EZH1: variants seen among roughly 807,000 people sequenced by gnomAD.
EZH1 encodes enhancer of zeste 1 polycomb repressive complex 2 subunit, also known as histone-lysine N-methyltransferase EZH1.
A neutral mutation model predicts 100.5 loss-of-function variants in EZH1; 33 were observed. The ratio of observed to expected loss-of-function variants is 0.33; its 90% confidence interval spans 0.25 to 0.44. The LOEUF is 0.44. EZH1 is among the 20% of genes least tolerant of loss of function. The pLI is 1.00. For missense variants in EZH1, 475 were observed against 928.4 expected, an observed-to-expected ratio of 0.51 and a Z score of 6.35; for synonymous variants, 272 against 313.8, an observed-to-expected ratio of 0.87 and a Z score of 1.41.
chr17:42,726,284 TG>T (rs2053819788), intron 4 of EZH1, among the ~76,000 whole-genome samples: 1 of 149,898 alleles, frequency 6.7e-6, no homozygotes, highest in Admixed American at 6.7e-5. Context: ...ACTGCAGCCT[TG>T]AACTCTTGGG....
rs977536793 is a variant in EZH1 at position 42,738,172 on chromosome 17, T to A, written c.-103+6839A>T. Among the ~76,000 whole-genome samples the A allele has an allele frequency of 1.1e-4, 14 of 132,286 alleles. No individual in the cohort carries two copies. In the East Asian group the frequency reaches 3.0e-3, roughly 28 times the overall value. The allele number at this position is 132,286 out of a possible 152,430, so 86.8% of individuals were successfully genotyped here. ...GCCTGGGCGACAGAGCAAGACTCTG[T>A]CTCAAAAAAAAAAAAAAAAAAAAAA... is the stretch of plus-strand genomic sequence containing the variant. On this transcript the variant is annotated intron_variant, in intron 1 of 20. Transcript: ENST00000428826.
In EZH1 at chr17:42,722,811, T is replaced by C. The variant is rs764273465; in HGVS notation, c.471A>G (p.Lys157=). ...IEELINNYDG[K]VHGEEEMIPG... is the part of the protein sequence containing the mutation. ...TACCACTACCTTCTTCACCATGGAC[T>C]TTCCCATCATAGTTATTGATCAGCT... The change falls in exon 6 of 21, where the codon AAA becomes AAG. Residue 157 remains lysine, a synonymous_variant. Transcript: ENST00000428826. 4.1e-5 allele frequency: 66 copies of C among 1,613,812 alleles called. No individual in the cohort carries two copies. Among genetic ancestry groups the C allele is most frequent in the Non-Finnish European group, 5.0e-5 (59 of 1,180,008 alleles).
intron 1 of EZH1, among the ~76,000 whole-genome samples, chr17:42,732,740 G>C (rs2053976938): frequency 6.6e-6 from 1 of 152,208 alleles, no homozygotes; most frequent in Non-Finnish European, 1.5e-5. Context: ...CTGCACTCCA[G>C]CCTGGGCGAT....
intron 19 of EZH1, 173 bp from the exon 20 acceptor site, chr17:42,703,134 A>C: frequency 3.3e-6 from 2 of 604,332 alleles, no homozygotes; most frequent in Non-Finnish European, 5.8e-6. Context: ...TTATGGCAGA[A>C]AAATTATCTT....
chr17:42,705,790 T>C (rs1032136912), intron 16 of EZH1: 3 of 427,226 alleles, frequency 7.0e-6, no homozygotes, highest in African/African-American at 6.1e-5. Flanking sequence ...ACTGCTGGGA[T>C]TACAGGCATG....
At chr17:42,727,591 G>A (rs765825380) in intron 4 of EZH1, 44 bp downstream of exon 4, 3 of 1,582,950 alleles carry the variant, frequency 1.9e-6, no homozygotes, top group African/African-American at 2.7e-5. Context: ...AAAGCTTTAA[G>A]CCCAAGGAAG....
chr17:42,732,060 A>C (rs2053961281), intron 1 of EZH1, among the ~76,000 whole-genome samples: 1 of 151,938 alleles, frequency 6.6e-6, no homozygotes, highest in Admixed American at 6.6e-5. Context: ...TTGAGGCCAC[A>C]GTGAGCCATG....
chr17:42,728,147 T>TCTG (rs2053861718), intron 3 of EZH1, among the ~76,000 whole-genome samples: 1 of 124,382 alleles, frequency 8.0e-6, no homozygotes. Context: ...GGAGTCTTGC[T>TCTG]CTGTCACCCA....
Position 42,700,669 on chromosome 17 carries a change from A to C in EZH1, c.*1863T>G, listed in dbSNP as rs2053223224. ...TCATCTTTCTCTGGTTTTCTCCTCTATGAGTAATTTGGAACCCACAGTCCA... is the reference window on the plus strand; with the variant it reads ...TCATCTTTCTCTGGTTTTCTCCTCTCTGAGTAATTTGGAACCCACAGTCCA... On this transcript the variant is annotated 3_prime_UTR_variant, in exon 21 of 21. Transcript: ENST00000428826. 1 of 152,470 alleles carries C rather than the reference A, an allele frequency of 6.6e-6. No homozygotes were observed. Among genetic ancestry groups the C allele is most frequent in the Middle Eastern group, 3.4e-3 (1 of 294 alleles). The allele number at this position is 152,470 out of a possible 1,614,324, so 9.4% of individuals were successfully genotyped here. A position where few individuals can be genotyped will look rare whatever the true frequency, so the allele number is the denominator to read the frequency against.
Position 42,728,822 on chromosome 17 carries a change from T to C in EZH1, c.117+3A>G. On this transcript the variant is annotated splice_donor_region_variant and intron_variant, in intron 3 of 20. Coordinates refer to ENST00000428826, the MANE Select transcript of EZH1 (RefSeq NM_001991.5). ...AAACTTTCACTTGGGAATTATTTTTTACCTTTGCACCCATATTTGCCTGAA... is the reference window on the plus strand; with the variant it reads ...AAACTTTCACTTGGGAATTATTTTTCACCTTTGCACCCATATTTGCCTGAA... The C allele has an allele frequency of 1.2e-6, 2 of 1,611,930 alleles. No individual in the cohort carries two copies. Among genetic ancestry groups the C allele is most frequent in the East Asian group, 2.2e-5 (1 of 44,846 alleles).
intron 1 of EZH1, among the ~76,000 whole-genome samples, chr17:42,732,974 T>C (rs886962450): frequency 6.8e-6 from 1 of 146,926 alleles, no homozygotes; most frequent in Non-Finnish European, 1.5e-5. Context: ...ATGCCTATAA[T>C]TTCAACACTT....
chr17:42,731,361 C>T (rs2053944876), intron 1 of EZH1, among the ~76,000 whole-genome samples: 1 of 152,002 alleles, frequency 6.6e-6, no homozygotes, highest in African/African-American at 2.4e-5. Context: ...GATCTGCCTG[C>T]CTCGGCCTCC....
Position 42,719,185 on chromosome 17 carries a change from T to C in EZH1, c.687A>G (p.Lys229=). The part of the protein sequence containing the change: ...AIEGNKKSSK[K]QFPNDMIFSA... Reference sequence around the variant, plus strand: ...TGAAGATCATGTCATTTGGGAACTGTTTCTTGGAACTCTTTTTGTTGCCTG... The same window carrying C: ...TGAAGATCATGTCATTTGGGAACTGCTTCTTGGAACTCTTTTTGTTGCCTG... The change falls in exon 8 of 21, where the codon AAA becomes AAG. Residue 229 remains lysine, a synonymous_variant. Transcript: ENST00000428826. 6.2e-7 allele frequency: 1 copy of C among 1,613,942 alleles called. No individual in the cohort carries two copies. Among genetic ancestry groups the C allele is most frequent in the Non-Finnish European group, 8.5e-7 (1 of 1,179,876 alleles).
intron 8 of EZH1, 22 bp downstream of exon 8, chr17:42,719,083 T>C (rs1020734662): frequency 1.9e-6 from 3 of 1,586,892 alleles, no homozygotes; most frequent in Admixed American, 1.7e-5. Flanking sequence ...GTATATGGCC[T>C]AAGTGGGACA....
chr17:42,739,429 C>T (rs1055882838), intron 1 of EZH1, among the ~76,000 whole-genome samples: 6 of 152,060 alleles, frequency 3.9e-5, no homozygotes, highest in Non-Finnish European at 5.9e-5. Context: ...CCTAGTGTTG[C>T]TTAATTAAGA....
Position 42,712,448 on chromosome 17 carries a change from C to T in EZH1, c.1242G>A (p.Lys414=), listed in dbSNP as rs755449390. 4.3e-6 allele frequency: 7 copies of T among 1,614,084 alleles called. 1 individual carries two copies. In the South Asian group the frequency reaches 7.7e-5, roughly 18 times the overall value. Residue 414 remains lysine, a synonymous_variant, in exon 12 of 21, where the codon AAG becomes AAA. Coordinates refer to ENST00000428826, the MANE Select transcript of EZH1 (RefSeq NM_001991.5). The part of the protein sequence containing the change: ...NSRCQTPTKQ[K]ASPAPPQLCV... ...AGAGTTGAGGTGGGGCTGGACTAGC[C>T]TTCTGTTTTGTGGGAGTCTGACAGC...
chr17:42,739,871 T>A (rs1312165489), intron 1 of EZH1, among the ~76,000 whole-genome samples: 3 of 149,734 alleles, frequency 2.0e-5, no homozygotes, highest in African/African-American at 7.4e-5. Context: ...GCAAGCTCCA[T>A]CCCCCAGGTT....
chr17:42,720,828 G>A (rs768006254), intron 6 of EZH1, among the ~76,000 whole-genome samples: 2 of 152,024 alleles, frequency 1.3e-5, no homozygotes, highest in Non-Finnish European at 2.9e-5. Flanking sequence ...GGCTAATTTT[G>A]TATTTTAGTA....
At chr17:42,716,011 C>A (rs2053597230) in intron 10 of EZH1, among the ~76,000 whole-genome samples, 1 of 148,772 alleles carries the variant, frequency 6.7e-6, no homozygotes. Flanking sequence ...TGCACCATTG[C>A]ACTCCAGCCT....
Sources: allele counts gnomAD v4.1 joint callset (sites outside exome capture counted in the v4.1 genomes callset), GRCh38; gene constraint gnomAD v4.1.1; transcripts MANE v1.5; gene names NCBI Gene and HGNC (gene_info 2026-07-23, HGNC 2026-07-21).